SH2D3C: variants seen among roughly 807,000 people sequenced by gnomAD.
SH2D3C encodes SH2 domain-containing protein 3C.
In SH2D3C, 25 loss-of-function variants were observed where a neutral mutation model predicts 75.2. The ratio of observed to expected loss-of-function variants is 0.33; its 90% CI spans 0.24 to 0.46. SH2D3C has a LOEUF of 0.46. Ranked by LOEUF, SH2D3C falls within the 20% of genes least tolerant of loss-of-function variation. The probability of loss-of-function intolerance (pLI) is 1.00; values close to 1 mark genes in which losing one functional copy is unlikely to be tolerated. For missense variants in SH2D3C, 933 were observed against 1,165.3 expected, an observed-to-expected ratio of 0.80 and a Z score of 2.90; for synonymous variants, 450 against 473.7, an observed-to-expected ratio of 0.95 and a Z score of 0.65.
intron 2 of SH2D3C, among the ~76,000 whole-genome samples, chr9:127,769,373 T>G (rs1275249063): frequency 6.6e-6 from 1 of 152,166 alleles, no homozygotes; most frequent in Non-Finnish European, 1.5e-5. Flanking sequence ...CTGGGTGCGG[T>G]GGCTCACGCC....
At chr9:127,748,740 T>C (rs959697652) in intron 5 of SH2D3C, among the ~76,000 whole-genome samples, 5 of 152,166 alleles carry the variant, frequency 3.3e-5, no homozygotes, top group Admixed American at 1.3e-4. Context: ...CCAGGTGTGA[T>C]TAAAATTTGC....
chr9:127,757,354 T>C (rs1488355312), intron 3 of SH2D3C, among the ~76,000 whole-genome samples: 2 of 150,558 alleles, frequency 1.3e-5, no homozygotes, highest in Admixed American at 1.3e-4. Flanking sequence ...CACTGCAGCA[T>C]TGACCTCCTG....
intron 6 of SH2D3C, among the ~76,000 whole-genome samples, chr9:127,745,455 CTTTTT>C (rs1190107937): frequency 1.8e-5 from 2 of 109,554 alleles, no homozygotes; most frequent in African/African-American, 4.6e-5. Context: ...TAATGATTTC[CTTTTT>C]TTTTTTTTTT....
intron 2 of SH2D3C, chr9:127,762,427 T>C: frequency 1.4e-6 from 1 of 733,720 alleles, no homozygotes; most frequent in South Asian, 1.4e-5. Flanking sequence ...CTGAAGGCCA[T>C]CTACAACTTG....
intron 2 of SH2D3C, among the ~76,000 whole-genome samples, chr9:127,771,843 A>T (rs1268802197): frequency 6.6e-6 from 1 of 152,222 alleles, no homozygotes; most frequent in Admixed American, 6.5e-5. Flanking sequence ...GAAAAACATG[A>T]GTTCTACTAA....
chr9:127,772,262 G>A (rs1453100682), intron 2 of SH2D3C, among the ~76,000 whole-genome samples: 2 of 126,422 alleles, frequency 1.6e-5, no homozygotes, highest in South Asian at 5.3e-4. Context: ...TTTTTTTTGA[G>A]TTGGAGTCTC....
intron 2 of SH2D3C, among the ~76,000 whole-genome samples, chr9:127,763,246 T>C (rs1297279973): frequency 6.6e-6 from 1 of 152,190 alleles, no homozygotes; most frequent in African/African-American, 2.4e-5. Context: ...ATTCCTTCAC[T>C]CTGTGTTCCC....
intron 8 of SH2D3C, 104 bp from the exon 9 acceptor site, chr9:127,742,063 G>C: frequency 8.9e-7 from 1 of 1,129,102 alleles, no homozygotes; most frequent in Non-Finnish European, 1.2e-6. Context: ...GGAGGGCGGA[G>C]CCAACGTGAG....
intron 7 of SH2D3C, among the ~76,000 whole-genome samples, chr9:127,743,678 C>T (rs1409733359): frequency 6.6e-6 from 1 of 152,196 alleles, no homozygotes; most frequent in African/African-American, 2.4e-5. Flanking sequence ...GGAGTGACAT[C>T]TTTGCCTTGT....
At chr9:127,761,990 C>G (rs1407425151) in intron 2 of SH2D3C, 1 of 301,850 alleles carries the variant, frequency 3.3e-6, no homozygotes, top group Admixed American at 4.9e-5. Flanking sequence ...TCACTGGACT[C>G]CAGACACCAC....
intron 3 of SH2D3C, among the ~76,000 whole-genome samples, chr9:127,753,670 G>A (rs538763563): frequency 6.6e-6 from 1 of 152,262 alleles, no homozygotes; most frequent in South Asian, 2.1e-4. Context: ...CTCACTCTGC[G>A]GTGCTCACAC....
In SH2D3C at chr9:127,751,575, G is replaced by A. The variant is rs1213463796; in HGVS notation, c.556-275C>T. Among the ~76,000 whole-genome samples, 2 of 152,250 alleles carry A rather than the reference G, an allele frequency of 1.3e-5. No individual in the cohort carries two copies. Among genetic ancestry groups the A allele is most frequent in the African/African-American group, 2.4e-5 (1 of 41,456 alleles). On this transcript the variant is annotated intron_variant, in intron 3 of 11. Coordinates refer to ENST00000314830, the MANE Select transcript of SH2D3C (RefSeq NM_170600.3). The surrounding 1 kb of genome is among the most constrained non-coding windows in gnomAD (Gnocchi z 4.1). ...AGCCCGGCCCTCAAGGCAGTGCCTA[G>A]TCTGAGGAGAGGCAAAAGCAACAGG...
At chr9:127,772,295 G>A (rs1312724863) in intron 2 of SH2D3C, among the ~76,000 whole-genome samples, 1 of 144,156 alleles carries the variant, frequency 6.9e-6, no homozygotes, top group Non-Finnish European at 1.5e-5. Context: ...AGGCTGGAGT[G>A]TGCAATGGCG....
At chr9:127,761,698 C>T (rs1845531187) in intron 2 of SH2D3C, 48 bp from the exon 3 acceptor site, 5 of 1,554,682 alleles carry the variant, frequency 3.2e-6, no homozygotes, top group Middle Eastern at 3.4e-4. Flanking sequence ...GCTTGGCTCC[C>T]CAGCTGCCGG....
rs10760500 is a variant in SH2D3C at position 127,774,438 on chromosome 9, G to A, written c.67C>T (p.Leu23Phe). 0.56 allele frequency: 898,132 copies of A among 1,601,208 alleles called. 259,617 individuals carry two copies. The highest frequency in any genetic ancestry group is 0.92 in the East Asian group (41,344 of 44,720). ...KFFKFKGFGSLSNLPRSFTLR... is the reference protein window; with the variant it reads ...KFFKFKGFGSFSNLPRSFTLR... The stretch of plus-strand genomic sequence containing the variant: ...GTGAAGGACCGAGGGAGGTTGGAGA[G>A]ACTCCCAAAGCCCTTGAACTTGAAG... Residue 23 changes from leucine to phenylalanine, a missense_variant, in exon 2 of 12, where the codon CTC (leucine) becomes TTC (phenylalanine). Physicochemically the swap from Leu to Phe is conservative, Grantham distance 22. Coordinates refer to ENST00000314830, the MANE Select transcript of SH2D3C (RefSeq NM_170600.3). The surrounding 1 kb of genome is among the most constrained non-coding windows in gnomAD (Gnocchi z 4.3).
At chr9:127,771,463 T>C (rs1370318758) in intron 2 of SH2D3C, 23 of 1,024,692 alleles carry the variant, frequency 2.2e-5, no homozygotes, top group Non-Finnish European at 3.0e-5. Flanking sequence ...GCCTGCGGTC[T>C]CGCTCCGCCC....
intron 2 of SH2D3C, among the ~76,000 whole-genome samples, chr9:127,762,916 C>T (rs545043214): frequency 1.3e-5 from 2 of 152,202 alleles, no homozygotes; most frequent in Non-Finnish European, 2.9e-5. Flanking sequence ...CATGATTATG[C>T]CAGAAAAACA....
In SH2D3C at chr9:127,738,766, C is replaced by T. The variant is rs1450126544; in HGVS notation, c.2563G>A (p.Val855Ile). The change falls in exon 12 of 12, where the codon GTC (valine) becomes ATC (isoleucine). Residue 855 changes from valine (V) to isoleucine (I), a missense_variant. Physicochemically the swap from Val to Ile is conservative, Grantham distance 29. Coordinates refer to ENST00000314830, the MANE Select transcript of SH2D3C (RefSeq NM_170600.3). The surrounding 1 kb of genome is among the most constrained non-coding windows in gnomAD (Gnocchi z 5.0). The stretch of plus-strand genomic sequence containing the variant: ...TGGGGTCACAGCTCGCTGGAGCGGA[C>T]AGCAGGTTCCAGCTTGTGGGACAGG... ...TALSHKLEPA[V>I]RSSEL is the part of the protein sequence containing the mutation. 1.2e-6 allele frequency: 2 copies of T among 1,606,046 alleles called. No homozygotes were observed. Among genetic ancestry groups the T allele is most frequent in the East Asian group, 2.2e-5 (1 of 44,522 alleles).
chr9:127,771,257 C>G lies in SH2D3C; in HGVS notation c.515+2733G>C, dbSNP rs558975042. Reference sequence around the variant, plus strand: ...TTCCCCCGCTGTCGCCGCCGGCAACCCGGGGACCTCCTAAACCCAGCGGCT... The same window carrying G: ...TTCCCCCGCTGTCGCCGCCGGCAACGCGGGGACCTCCTAAACCCAGCGGCT... On this transcript the variant is annotated intron_variant, in intron 2 of 11. Coordinates refer to ENST00000314830, the MANE Select transcript of SH2D3C (RefSeq NM_170600.3). 32 of 1,541,210 alleles carry G rather than the reference C, an allele frequency of 2.1e-5. 1 individual carries two copies. The South Asian group carries it at 3.7e-4, about 18-fold the overall frequency.
Sources: allele counts gnomAD v4.1 joint callset (sites outside exome capture counted in the v4.1 genomes callset), GRCh38; gene constraint gnomAD v4.1.1; non-coding constraint Gnocchi (gnomAD v3.1); transcripts MANE v1.5; gene names NCBI Gene and HGNC (gene_info 2026-07-23, HGNC 2026-07-21).